Variants in WDR44 observed in about 807,000 individuals in gnomAD.
The protein encoded by WDR44 is WD repeat domain 44, also known as WD repeat-containing protein 44.
In WDR44, 9 loss-of-function variants were observed where a neutral mutation model predicts 65.7. The observed-to-expected ratio is 0.14, with a 90% CI of 0.08 to 0.24. The LOEUF is 0.24. WDR44 is among the 10% of genes least tolerant of loss of function. WDR44 has a pLI of 1.00. For synonymous variants in WDR44, 220 were observed against 235.2 expected, an observed-to-expected ratio of 0.94 and a Z score of 0.59; for missense variants, 425 against 670.9, an observed-to-expected ratio of 0.63 and a Z score of 4.05.
intron 1 of WDR44, among the ~76,000 whole-genome samples, chrX:118,375,218 A>T (rs2056647172): frequency 9.0e-6 from 1 of 110,886 alleles, no homozygotes; most frequent in African/African-American, 3.3e-5. Flanking sequence ...CAGCTAAAAA[A>T]CCTGTTCAGA....
intron 10 of WDR44, among the ~76,000 whole-genome samples, chrX:118,408,396 CTTT>C (rs59082617): frequency 3.0e-5 from 3 of 100,742 alleles, no homozygotes; most frequent in Non-Finnish European, 4.0e-5. Context: ...ATACAACTAC[CTTT>C]TTTTTTTTTT....
intron 1 of WDR44, among the ~76,000 whole-genome samples, chrX:118,359,225 A>C (rs2056491183): frequency 1.8e-5 from 2 of 112,310 alleles, no homozygotes; most frequent in Admixed American, 1.9e-4. Flanking sequence ...AAATTTAGTT[A>C]TCTGTTTCTG....
At chrX:118,364,248 C>T (rs2056535311) in intron 1 of WDR44, among the ~76,000 whole-genome samples, 1 of 112,320 alleles carries the variant, frequency 8.9e-6, no homozygotes, top group Non-Finnish European at 1.9e-5. Flanking sequence ...CAGTTTAGAG[C>T]ATTAAGCTGA....
chrX:118,378,709 C>CGTGTGTGTGTGT (rs61698360), intron 2 of WDR44, among the ~76,000 whole-genome samples: 10,438 of 94,333 alleles, frequency 0.11, 742 homozygotes, highest in African/African-American at 0.23. Context: ...AATAAAAGAA[C>CGTGTGTGTGTGT]GTGTGTGTGT....
intron 2 of WDR44, 140 bp downstream of exon 2, chrX:118,378,592 G>T: frequency 2.1e-6 from 1 of 466,044 alleles, no homozygotes; most frequent in Non-Finnish European, 3.6e-6. Flanking sequence ...GTCCTACTTG[G>T]TATACATAGG....
intron 9 of WDR44, among the ~76,000 whole-genome samples, chrX:118,404,762 G>A (rs184840095): frequency 3.6e-5 from 4 of 110,948 alleles, no homozygotes; most frequent in Admixed American, 2.9e-4. Context: ...GTGCAGTGGC[G>A]CGATCTCGGC....
At chrX:118,392,061 A>G (rs1350084011) in intron 3 of WDR44, among the ~76,000 whole-genome samples, 1 of 111,715 alleles carries the variant, frequency 9.0e-6, no homozygotes, top group African/African-American at 3.3e-5. Flanking sequence ...CAGTCCACAT[A>G]GTGGAGTTTA....
Position 118,346,558 on chromosome X carries a change from C to T in WDR44, c.55C>T (p.Leu19=). ...CTATGATGCCCCTGAAGATGTGCACCTAGGGGGCGGCTACCCCGTGGGGTA... is the reference window on the plus strand; with the variant it reads ...CTATGATGCCCCTGAAGATGTGCACTTAGGGGGCGGCTACCCCGTGGGGTA... ...EFYDAPEDVH[L]GGGYPVGSPG... The change falls in exon 1 of 20, where the codon CTA becomes TTA. Residue 19 remains leucine, a synonymous_variant. Transcript: ENST00000254029. 1 of 1,197,542 alleles carries T rather than the reference C, an allele frequency of 8.4e-7. No homozygotes were observed. Among genetic ancestry groups the T allele is most frequent in the Non-Finnish European group, 1.1e-6 (1 of 887,824 alleles).
intron 1 of WDR44, among the ~76,000 whole-genome samples, chrX:118,361,864 T>G (rs984932830): frequency 8.9e-6 from 1 of 112,315 alleles, no homozygotes; most frequent in African/African-American, 3.2e-5. Flanking sequence ...TTGGAAAAGG[T>G]GTTCCTATAA....
chrX:118,430,745 G>A (rs2057203125), intron 12 of WDR44, among the ~76,000 whole-genome samples: 1 of 111,532 alleles, frequency 9.0e-6, no homozygotes, highest in Non-Finnish European at 1.9e-5. Context: ...GGAAGCTGAG[G>A]CAGTAGAATG....
At position 118,396,969 on chromosome X, in the gene WDR44, G is replaced by A; in HGVS notation, c.1054-1G>A. 8.6e-7 allele frequency: 1 copy of A among 1,161,093 alleles called. No homozygotes were observed. Among genetic ancestry groups the A allele is most frequent in the Non-Finnish European group, 1.1e-6 (1 of 877,105 alleles). ...TGATTGTTTTTTTTTTTTAACCTCA[G>A]GAAATTTTAGCCAGTGTAATGATTA... On this transcript the variant is annotated splice_acceptor_variant, in intron 6 of 19. Transcript: ENST00000254029. LOFTEE classifies it high-confidence loss of function.
chrX:118,417,932 C>G (rs966977543), intron 12 of WDR44, among the ~76,000 whole-genome samples: 1 of 111,661 alleles, frequency 9.0e-6, no homozygotes, highest in Non-Finnish European at 1.9e-5. Context: ...AAGACCTTGT[C>G]TTTGAGCTCT....
At chrX:118,400,233 A>G (rs1316590451) in intron 8 of WDR44, among the ~76,000 whole-genome samples, 1 of 111,205 alleles carries the variant, frequency 9.0e-6, no homozygotes, top group Non-Finnish European at 1.9e-5. Flanking sequence ...GCTGATGGCC[A>G]GAGAAGATTG....
intron 19 of WDR44, among the ~76,000 whole-genome samples, chrX:118,447,269 A>G (rs947998054): frequency 3.6e-5 from 4 of 110,954 alleles, no homozygotes; most frequent in African/African-American, 1.3e-4. Context: ...TTTTAAAACA[A>G]TTTGAGGAAA....
intron 3 of WDR44, among the ~76,000 whole-genome samples, chrX:118,389,448 C>A (rs759257192): frequency 9.0e-6 from 1 of 111,259 alleles, no homozygotes; most frequent in South Asian, 3.8e-4. Flanking sequence ...AGGCCGGGCA[C>A]GGTGGCTCAC....
chrX:118,379,644 G>C (rs981579570), intron 2 of WDR44, among the ~76,000 whole-genome samples: 1 of 111,329 alleles, frequency 9.0e-6, no homozygotes, highest in Non-Finnish European at 1.9e-5. Flanking sequence ...TTAGGATATC[G>C]GTCATTCTCT....
At chrX:118,408,121 A>G (rs946898347) in intron 10 of WDR44, among the ~76,000 whole-genome samples, 29 of 111,981 alleles carry the variant, frequency 2.6e-4, no homozygotes, top group African/African-American at 8.7e-4. Flanking sequence ...TTTTTAATAC[A>G]CTTGAATTTT....
chrX:118,352,340 A>ATT (rs2056416656), intron 1 of WDR44, among the ~76,000 whole-genome samples: 1 of 19,861 alleles, frequency 5.0e-5, no homozygotes, highest in African/African-American at 4.9e-4. Flanking sequence ...ATATATATAT[A>ATT]TATATATATA....
intron 1 of WDR44, 21 bp from the exon 2 acceptor site, chrX:118,378,398 C>T (rs768580415): frequency 8.3e-7 from 1 of 1,202,125 alleles, no homozygotes; most frequent in Admixed American, 2.2e-5. Context: ...TCAACACCTC[C>T]TTACTTTTAT....
Sources: gnomAD v4.1 joint callset for allele counts (sites outside exome capture counted in the v4.1 genomes callset) on GRCh38, gnomAD v4.1.1 for gene constraint, MANE v1.5 for transcripts, NCBI Gene and HGNC (gene_info 2026-07-23, HGNC 2026-07-21) for gene names.